The following CSMD1 variants were observed in gnomAD, a reference collection of about 807,000 sequenced individuals.
CSMD1 encodes the protein CUB and sushi domain-containing protein 1.
In CSMD1, 213 loss-of-function variants were observed where a neutral mutation model predicts 417.5. The ratio of observed to expected loss-of-function variants is 0.51; its 90% confidence interval spans 0.46 to 0.57. CSMD1 has a LOEUF of 0.57. Among genes scored for constraint, CSMD1 ranks in the 20% least tolerant of loss-of-function variants. The probability of loss-of-function intolerance (pLI) is 0.00; values close to 1 mark genes in which losing one functional copy is unlikely to be tolerated. For missense variants in CSMD1, 6,923 were observed against 4,529.7 expected (o/e 1.53, Z -15.17); for synonymous variants, 2,862 against 1,736.8 (o/e 1.65, Z -16.11).
chr8:3,302,291 G>GT (rs540896928), intron 25 of CSMD1, among the ~76,000 whole-genome samples: 2 of 152,028 alleles, frequency 1.3e-5, no homozygotes, highest in Admixed American at 6.6e-5. Context: ...TTTCTTTAAT[G>GT]TTTTTTTCTG....
intron 4 of CSMD1, among the ~76,000 whole-genome samples, chr8:4,013,321 C>A (rs1010329759): frequency 6.6e-6 from 1 of 152,064 alleles, no homozygotes; most frequent in East Asian, 1.9e-4. Flanking sequence ...GTTCACTCAC[C>A]GTACGCTGTT....
At chr8:3,739,113 C>T (rs1169064092) in intron 6 of CSMD1, among the ~76,000 whole-genome samples, 1 of 151,594 alleles carries the variant, frequency 6.6e-6, no homozygotes, top group Admixed American at 6.6e-5. Flanking sequence ...TATAAGTTTA[C>T]ATTTTATTTA....
chr8:4,394,447 G>A (rs1037070651), intron 3 of CSMD1, among the ~76,000 whole-genome samples: 6 of 152,118 alleles, frequency 3.9e-5, no homozygotes, highest in East Asian at 1.9e-4. Flanking sequence ...TTTTAGTACT[G>A]AGTCTTTGAA....
chr8:3,780,297 T>C (rs1215330036), intron 5 of CSMD1, among the ~76,000 whole-genome samples: 1 of 152,240 alleles, frequency 6.6e-6, no homozygotes, highest in Non-Finnish European at 1.5e-5. Flanking sequence ...AATTAGTTCG[T>C]ATTCCGCAAA....
chr8:4,403,457 A>G (rs977145923), intron 3 of CSMD1, among the ~76,000 whole-genome samples: 5 of 152,160 alleles, frequency 3.3e-5, no homozygotes, highest in Non-Finnish European at 2.9e-5. Context: ...TGTCCTTATC[A>G]GGGTCACCAA....
intron 68 of CSMD1, among the ~76,000 whole-genome samples, chr8:2,943,776 G>A (rs998279930): frequency 1.8e-4 from 27 of 152,196 alleles, no homozygotes; most frequent in African/African-American, 5.1e-4. Context: ...GTCACTTAAT[G>A]CAGGTGTGCA....
At chr8:4,608,317 G>T (rs1051204175) in intron 2 of CSMD1, among the ~76,000 whole-genome samples, 11 of 152,198 alleles carry the variant, frequency 7.2e-5, no homozygotes, top group African/African-American at 2.4e-4. Flanking sequence ...GGAGATGGGT[G>T]AGGAGGCAAC....
chr8:3,914,010 T>C (rs902267089), intron 5 of CSMD1, among the ~76,000 whole-genome samples: 3 of 152,170 alleles, frequency 2.0e-5, no homozygotes, highest in African/African-American at 7.2e-5. Context: ...TTGTTATTCT[T>C]GAAACCCTTC....
intron 2 of CSMD1, among the ~76,000 whole-genome samples, chr8:4,596,965 C>G (rs1277210916): frequency 6.6e-6 from 1 of 152,184 alleles, no homozygotes; most frequent in African/African-American, 2.4e-5. Flanking sequence ...CTTGCCACCT[C>G]CATGTTAGAA....
intron 2 of CSMD1, among the ~76,000 whole-genome samples, chr8:4,494,825 A>AAG (rs1484737399): frequency 6.6e-6 from 1 of 152,212 alleles, no homozygotes; most frequent in African/African-American, 2.4e-5. Flanking sequence ...AAGAGAATAA[A>AAG]CTTAGAAAAT....
At chr8:4,296,796 TA>T (rs1213006724) in intron 3 of CSMD1, among the ~76,000 whole-genome samples, 2 of 142,772 alleles carry the variant, frequency 1.4e-5, no homozygotes, top group African/African-American at 5.1e-5. Context: ...TGAAAATGAA[TA>T]GAAAATGTGA....
chr8:4,351,196 G>A (rs534415155), intron 3 of CSMD1, among the ~76,000 whole-genome samples: 3 of 152,100 alleles, frequency 2.0e-5, no homozygotes, highest in African/African-American at 7.2e-5. Context: ...ACTTCTAGGA[G>A]TTAATAAAAT....
intron 12 of CSMD1, among the ~76,000 whole-genome samples, chr8:3,429,752 T>G (rs1814097001): frequency 6.6e-6 from 1 of 152,170 alleles, no homozygotes; most frequent in Admixed American, 6.5e-5. Context: ...TTCTATGAAA[T>G]AAAGTCTATG....
intron 1 of CSMD1, among the ~76,000 whole-genome samples, chr8:4,689,721 G>C (rs1032539797): frequency 1.3e-5 from 2 of 152,066 alleles, no homozygotes; most frequent in Non-Finnish European, 2.9e-5. Flanking sequence ...ACTGCAGATC[G>C]TCTTTGGCTG....
In CSMD1 at chr8:3,067,357, A is replaced by G. The variant is rs139134849; in HGVS notation, c.7475-14710T>C. 7.3e-3 allele frequency among the ~76,000 whole-genome samples: 1,114 copies of G among 152,234 alleles called. 9 individuals carry two copies. The highest frequency in any genetic ancestry group is 0.025 in the African/African-American group (1,043 of 41,552). ...CTCGATGCCTCCCCGCACTCCAAGCATAGCCATCTCATCATAGTCCACTGT... is the reference window on the plus strand; with the variant it reads ...CTCGATGCCTCCCCGCACTCCAAGCGTAGCCATCTCATCATAGTCCACTGT... On this transcript the variant is annotated intron_variant, in intron 49 of 69. Transcript: ENST00000635120.
At chr8:4,059,315 C>T (rs897577666) in intron 3 of CSMD1, among the ~76,000 whole-genome samples, 13 of 96,600 alleles carry the variant, frequency 1.3e-4, no homozygotes, top group African/African-American at 4.4e-4. Context: ...AAATTTATAG[C>T]ACTAAATGTC....
intron 5 of CSMD1, among the ~76,000 whole-genome samples, chr8:3,920,502 C>A (rs889669370): frequency 1.3e-5 from 2 of 152,064 alleles, no homozygotes; most frequent in Non-Finnish European, 2.9e-5. Flanking sequence ...CTGGCTAGGA[C>A]TTTCAGTACT....
chr8:4,588,142 G>A (rs1389375455), intron 2 of CSMD1, among the ~76,000 whole-genome samples: 1 of 151,928 alleles, frequency 6.6e-6, no homozygotes, highest in South Asian at 2.1e-4. Flanking sequence ...TTCAAAGACG[G>A]GCTTATTTTA....
At chr8:4,371,821 G>T (rs1210088445) in intron 3 of CSMD1, among the ~76,000 whole-genome samples, 1 of 152,182 alleles carries the variant, frequency 6.6e-6, no homozygotes, top group African/African-American at 2.4e-5. Context: ...CAATTGTAGT[G>T]GAGGAACAGG....
Sources: gnomAD v4.1 joint callset for allele counts (sites outside exome capture counted in the v4.1 genomes callset) on GRCh38, gnomAD v4.1.1 for gene constraint, MANE v1.5 for transcripts, NCBI Gene and HGNC (gene_info 2026-07-23, HGNC 2026-07-21) for gene names.